The following PROX2 variants were observed in gnomAD, a reference collection of about 807,000 sequenced individuals.
PROX2 encodes the protein prospero homeobox protein 2.
A neutral mutation model predicts 48.9 loss-of-function variants in PROX2; 46 were observed. The observed-to-expected ratio is 0.94, with a 90% CI of 0.74 to 1.20. The LOEUF is 1.20. Among genes scored for constraint, PROX2 ranks in the 50% most tolerant of loss-of-function variants. The pLI is 0.00. For synonymous variants in PROX2, 260 were observed against 276.6 expected (o/e 0.94, Z 0.60); for missense variants, 663 against 719.4 (o/e 0.92, Z 0.90).
chr14:74,870,439 A>AAAACACACACACAC (rs766736707), intron 2 of PROX2, among the ~76,000 whole-genome samples: 17 of 29,934 alleles, frequency 5.7e-4, no homozygotes, highest in Non-Finnish European at 9.8e-4. Context: ...AAAAAAAAAA[A>AAAACACACACACAC]ATACACACAC....
chr14:74,856,539 C>T lies in PROX2; in HGVS notation c.1608+262G>A. The T allele has an allele frequency of 4.8e-6, 2 of 419,914 alleles. 1 individual carries two copies. Among genetic ancestry groups the T allele is most frequent in the South Asian group, 1.1e-4 (2 of 18,064 alleles). The allele number at this position is 419,914 out of a possible 1,614,324, so 26.0% of individuals were successfully genotyped here. On this transcript the variant is annotated intron_variant, in intron 5 of 5. Transcript: ENST00000556489. ...TGTAACTTGATAATGACAGGGTATT[C>T]AGTCTAAGATGGTGTAACACCTGGC...
At chr14:74,856,161 A>C (rs2091741216) in intron 5 of PROX2, 4 of 152,298 alleles carry the variant, frequency 2.6e-5, no homozygotes, top group Admixed American at 2.6e-4. Context: ...CCAGCCTAAC[A>C]GCTGTCAGCT....
At chr14:74,866,008 G>A (rs887906220) in intron 2 of PROX2, among the ~76,000 whole-genome samples, 13 of 152,304 alleles carry the variant, frequency 8.5e-5, no homozygotes, top group Admixed American at 3.3e-4. Flanking sequence ...TGTAATCCCA[G>A]CACTTTGGGA....
In PROX2 at chr14:74,854,824, A is replaced by G. The variant is rs1348130593; in HGVS notation, c.*308T>C. The stretch of plus-strand genomic sequence containing the variant: ...AACCTCATTTTACAGATACAGAGAT[A>G]CCAGGAAGTTCCCAGGGTCACAACA... On this transcript the variant is annotated 3_prime_UTR_variant, in exon 6 of 6. Transcript: ENST00000556489. 3 of 209,756 alleles carry G rather than the reference A, an allele frequency of 1.4e-5. No homozygotes were observed. The highest frequency in any genetic ancestry group is 2.1e-4 in the East Asian group (2 of 9,318). 13.0% of individuals were successfully genotyped at this position (209,756 alleles called of 1,614,324 possible).
intron 1 of PROX2, among the ~76,000 whole-genome samples, chr14:74,873,390 G>T (rs115705919): frequency 6.6e-6 from 1 of 152,180 alleles, no homozygotes; most frequent in Non-Finnish European, 1.5e-5. Context: ...TCTTAGGATT[G>T]TGGTGAGGAT....
chr14:74,870,460 A>ACACACACACACACACACACACACACACC (rs1883184777), intron 2 of PROX2, among the ~76,000 whole-genome samples: 1 of 150,806 alleles, frequency 6.6e-6, no homozygotes, highest in Non-Finnish European at 1.5e-5. Flanking sequence ...ACACACACAC[A>ACACACACACACACACACACACACACACC]CACACACACG....
chr14:74,865,034 A>G (rs1045777944), intron 2 of PROX2, among the ~76,000 whole-genome samples: 3 of 151,258 alleles, frequency 2.0e-5, no homozygotes, highest in African/African-American at 7.3e-5. Flanking sequence ...AATCCCAGCT[A>G]CTTGGGAGGC....
intron 1 of PROX2, chr14:74,873,794 A>G (rs1469664440): frequency 2.2e-6 from 1 of 463,942 alleles, no homozygotes; most frequent in South Asian, 1.7e-5. Flanking sequence ...ACATTGCAGC[A>G]TGTATGCTGT....
intron 2 of PROX2, among the ~76,000 whole-genome samples, chr14:74,867,225 C>T (rs145656274): frequency 6.6e-6 from 1 of 152,196 alleles, no homozygotes; most frequent in African/African-American, 2.4e-5. Context: ...CTCAGCTCTT[C>T]ACAAACATGG....
Position 74,875,961 on chromosome 14 carries a change from A to C in PROX2, c.-376T>G, listed in dbSNP as rs994219007. Among the ~76,000 whole-genome samples, 2 of 152,194 alleles carry C rather than the reference A, an allele frequency of 1.3e-5. No homozygotes were observed. The highest frequency in any genetic ancestry group is 2.9e-5 in the Non-Finnish European group (2 of 68,038). On this transcript the variant is annotated 5_prime_UTR_variant, in exon 1 of 6. Transcript: ENST00000556489. ...GGCCAGGTGGGGCCAACCACTCTAG[A>C]AGACGGAGCAGCCCACTCTTCACCA...
intron 2 of PROX2, among the ~76,000 whole-genome samples, chr14:74,866,303 C>T (rs1326089087): frequency 6.6e-5 from 10 of 152,116 alleles, no homozygotes; most frequent in African/African-American, 2.2e-4. Flanking sequence ...AGAAATAAGC[C>T]TGGGGTTCAG....
In PROX2 at chr14:74,854,470, G is replaced by A. The variant is rs1442068817; in HGVS notation, c.*662C>T. On this transcript the variant is annotated 3_prime_UTR_variant, in exon 6 of 6. Coordinates refer to ENST00000556489, the MANE Select transcript of PROX2 (RefSeq NM_001243007.2). ...AGGAGATGGGTCCAGCATGCAGTTG[G>A]GCATCAGAAAGTCTTGGTTCCTCCA... The A allele has an allele frequency of 4.6e-6, 1 of 219,644 alleles. No homozygotes were observed. The highest frequency in any genetic ancestry group is 2.3e-5 in the African/African-American group (1 of 42,568). The allele number at this position is 219,644 out of a possible 1,614,324, so 13.6% of individuals were successfully genotyped here. A position where few individuals can be genotyped will look rare whatever the true frequency, so the allele number is the denominator to read the frequency against.
Position 74,854,120 on chromosome 14 carries a change from G to C in PROX2, c.*1012C>G, listed in dbSNP as rs1206918073. 1 of 282,180 alleles carries C rather than the reference G, an allele frequency of 3.5e-6. No homozygotes were observed. Among genetic ancestry groups the C allele is most frequent in the Non-Finnish European group, 7.3e-6 (1 of 136,690 alleles). 17.5% of individuals were successfully genotyped at this position (282,180 alleles called of 1,614,324 possible). On this transcript the variant is annotated 3_prime_UTR_variant, in exon 6 of 6. Coordinates refer to ENST00000556489, the MANE Select transcript of PROX2 (RefSeq NM_001243007.2). ...TTCCCAATTTAAGCAGCATGGGCCA[G>C]ATGATCTCCTAAGGCCCTTTCTACC...
chr14:74,873,762 G>T, intron 1 of PROX2: 1 of 476,880 alleles, frequency 2.1e-6, no homozygotes, highest in South Asian at 1.6e-5. Context: ...GCTACTTCTA[G>T]AACAGTATCC....
intron 2 of PROX2, among the ~76,000 whole-genome samples, chr14:74,867,716 G>A (rs1252559416): frequency 1.3e-5 from 2 of 152,206 alleles, no homozygotes; most frequent in Non-Finnish European, 2.9e-5. Flanking sequence ...GAAGAGCATA[G>A]AACCACTAAA....
chr14:74,863,502 C>A lies in PROX2; in HGVS notation c.333G>T (p.Pro111=), dbSNP rs61747287. 40 of 1,613,186 alleles carry A rather than the reference C, an allele frequency of 2.5e-5. No individual in the cohort carries two copies. Among genetic ancestry groups the A allele is most frequent in the Middle Eastern group, 3.3e-4 (2 of 6,084 alleles). ...ERKRKQNLPT[P]QGLLMPAPAW... ...CAGGGGCTGGCATCAGGAGGCCTTG[C>A]GGTGTGGGAAGGTTCTGCTTCCTCT... The change falls in exon 3 of 6, where the codon CCG becomes CCT. Residue 111 remains proline (P), a synonymous_variant. Transcript: ENST00000556489.
chr14:74,862,089 G>A (rs1199620595), intron 3 of PROX2, among the ~76,000 whole-genome samples: 1 of 152,228 alleles, frequency 6.6e-6, no homozygotes, highest in Non-Finnish European at 1.5e-5. Flanking sequence ...ATTCCAGAAT[G>A]TGGTCACCAC....
At chr14:74,870,595 T>C (rs1046080523) in intron 2 of PROX2, among the ~76,000 whole-genome samples, 17 of 152,144 alleles carry the variant, frequency 1.1e-4, no homozygotes, top group Non-Finnish European at 8.8e-5. Flanking sequence ...ATGGATATGT[T>C]TTCAGTTTTG....
chr14:74,856,782 A>T lies in PROX2; in HGVS notation c.1608+19T>A. 1 of 1,603,058 alleles carries T rather than the reference A, an allele frequency of 6.2e-7. No homozygotes were observed. The highest frequency in any genetic ancestry group is 1.7e-5 in the Admixed American group (1 of 59,910). On this transcript the variant is annotated intron_variant, in intron 5 of 5. Coordinates refer to ENST00000556489, the MANE Select transcript of PROX2 (RefSeq NM_001243007.2). ...AAGACACTCATCAGATCTCATGGGA[A>T]CCCAGTACATGGTCTTACCTCAAAG...
Sources: allele counts gnomAD v4.1 joint callset (sites outside exome capture counted in the v4.1 genomes callset), GRCh38; gene constraint gnomAD v4.1.1; transcripts MANE v1.5; gene names NCBI Gene and HGNC (gene_info 2026-07-23, HGNC 2026-07-21).